The following TAF5L variants were observed in gnomAD, a reference collection of about 807,000 sequenced individuals.
TAF5L encodes the protein TAF5-like RNA polymerase II p300/CBP-associated factor-associated factor 65 kDa subunit 5L.
Under a neutral mutation model 51.3 loss-of-function variants are expected in TAF5L, and 7 were observed. The ratio of observed to expected loss-of-function variants is 0.14; its 90% CI spans 0.08 to 0.26. The LOEUF (loss-of-function observed/expected upper bound fraction) is 0.26, where lower values mean the gene tolerates loss of function less well. TAF5L is among the 10% of genes least tolerant of loss of function. The pLI is 1.00. For synonymous variants in TAF5L, 291 were observed against 308.1 expected (o/e 0.94, Z 0.58); for missense variants, 575 against 758.9 (o/e 0.76, Z 2.85).
At position 229,616,497 on chromosome 1, in the gene TAF5L, T is replaced by A. The variant is rs577423673; in HGVS notation, c.-3-2012A>T. Among the ~76,000 whole-genome samples, 20 of 152,232 alleles carry A rather than the reference T, an allele frequency of 1.3e-4. 1 individual carries two copies. In the South Asian group the frequency reaches 3.5e-3, roughly 27 times the overall value. The stretch of plus-strand genomic sequence containing the variant: ...TTGGGATTACAGGCATGAGCTACCA[T>A]GCCTGGTCTTATTTTTCTTTAAACA... On this transcript the variant is annotated intron_variant, in intron 1 of 4. Transcript: ENST00000258281.
chr1:229,616,502 G>A (rs540040359), intron 1 of TAF5L, among the ~76,000 whole-genome samples: 2 of 151,882 alleles, frequency 1.3e-5, no homozygotes, highest in East Asian at 3.9e-4. Flanking sequence ...TACCATGCCT[G>A]GTCTTATTTT....
chr1:229,618,674 T>A (rs1449839664), intron 1 of TAF5L, among the ~76,000 whole-genome samples: 1 of 152,188 alleles, frequency 6.6e-6, no homozygotes, highest in African/African-American at 2.4e-5. Context: ...AACCCAGGCA[T>A]CCTCTTAAGA....
intron 1 of TAF5L, among the ~76,000 whole-genome samples, chr1:229,621,510 C>T (rs936030184): frequency 6.6e-6 from 1 of 152,154 alleles, no homozygotes; most frequent in African/African-American, 2.4e-5. Flanking sequence ...ATATACAACA[C>T]TCTTCAAATC....
intron 4 of TAF5L, among the ~76,000 whole-genome samples, chr1:229,596,783 GAAGA>G (rs1664142581): frequency 6.6e-6 from 1 of 152,206 alleles, no homozygotes; most frequent in Non-Finnish European, 1.5e-5. Context: ...TTAAACACCA[GAAGA>G]AAGGAGTATG....
chr1:229,602,950 T>G lies in TAF5L; in HGVS notation c.248-31A>C. 1.9e-6 allele frequency: 3 copies of G among 1,549,970 alleles called. No homozygotes were observed. The highest frequency in any genetic ancestry group is 2.6e-6 in the Non-Finnish European group (3 of 1,158,360). ...ATGAAAGAAAAAGAAGGCTTTATAATCAGCATAATCTTACAGAATAACGTG... is the reference window on the plus strand; with the variant it reads ...ATGAAAGAAAAAGAAGGCTTTATAAGCAGCATAATCTTACAGAATAACGTG... On this transcript the variant is annotated intron_variant, in intron 3 of 4. Coordinates refer to ENST00000258281, the Ensembl canonical transcript of TAF5L. The surrounding 1 kb of genome is among the most constrained non-coding windows in gnomAD (Gnocchi z 4.6).
At chr1:229,595,392 G>T (rs1664083294) in intron 4 of TAF5L, among the ~76,000 whole-genome samples, 1 of 152,190 alleles carries the variant, frequency 6.6e-6, no homozygotes, top group South Asian at 2.1e-4. Flanking sequence ...AATGACTGTG[G>T]ACCTTACCCT....
intron 3 of TAF5L, among the ~76,000 whole-genome samples, chr1:229,603,175 GGTTAAGTGACTTGCCAGA>G (rs1664451915): frequency 1.3e-5 from 2 of 152,268 alleles, no homozygotes; most frequent in South Asian, 4.2e-4. Context: ...TGCCCAGAGT[GGTTAAGTGACTTGCCAGA>G]GTTCACAACA....
At chr1:229,620,317 C>T (rs1263614090) in intron 1 of TAF5L, among the ~76,000 whole-genome samples, 1 of 152,184 alleles carries the variant, frequency 6.6e-6, no homozygotes, top group Non-Finnish European at 1.5e-5. Context: ...GCTCAGCCTC[C>T]CAGGTAGCTA....
chr1:229,619,704 C>T (rs542624120), intron 1 of TAF5L, among the ~76,000 whole-genome samples: 2 of 152,246 alleles, frequency 1.3e-5, no homozygotes, highest in East Asian at 3.9e-4. Flanking sequence ...ACTTGGGATT[C>T]CTTAACTTTT....
intron 3 of TAF5L, chr1:229,606,820 G>A: frequency 1.0e-6 from 1 of 985,442 alleles, no homozygotes; most frequent in Non-Finnish European, 1.2e-6. Flanking sequence ...TACACCTCCT[G>A]AAGAATAGGA....
chr1:229,597,932 G>A (rs1025829432), intron 4 of TAF5L, among the ~76,000 whole-genome samples: 2 of 152,068 alleles, frequency 1.3e-5, no homozygotes, highest in East Asian at 1.9e-4. Flanking sequence ...TCACACTCAC[G>A]TTTCCCCCAG....
intron 1 of TAF5L, among the ~76,000 whole-genome samples, chr1:229,614,904 A>G (rs1664922300): frequency 6.6e-6 from 1 of 152,182 alleles, no homozygotes; most frequent in South Asian, 2.1e-4. Context: ...GAACTAGCCA[A>G]AAAAGCAGGC....
chr1:229,622,827 T>C (rs977808316), intron 1 of TAF5L, among the ~76,000 whole-genome samples: 2 of 152,190 alleles, frequency 1.3e-5, no homozygotes, highest in Non-Finnish European at 2.9e-5. Context: ...GCTGCCCAGG[T>C]TGATCTCAAA....
Position 229,594,856 on chromosome 1 carries a change from T to C in TAF5L, c.1211A>G (p.His404Arg). Residue 404 changes from histidine (H) to arginine (R), a missense_variant, in exon 5 of 5, where the codon CAC becomes CGC. Coordinates refer to ENST00000258281, the Ensembl canonical transcript of TAF5L. The surrounding 1 kb of genome is among the most constrained non-coding windows in gnomAD (Gnocchi z 7.9). The stretch of plus-strand genomic sequence containing the variant: ...TGACCACAGCCTGGCGGTGCGGTCG[T>C]GGGACCCGCTGGCGAAGTACAGGCT... 6.2e-7 allele frequency: 1 copy of C among 1,614,214 alleles called. No homozygotes were observed. The highest frequency in any genetic ancestry group is 8.5e-7 in the Non-Finnish European group (1 of 1,180,018).
Position 229,602,776 on chromosome 1 carries a change from C to T in TAF5L, c.391G>A (p.Ala131Thr). 6.2e-7 allele frequency: 1 copy of T among 1,614,154 alleles called. No individual in the cohort carries two copies. The highest frequency in any genetic ancestry group is 8.5e-7 in the Non-Finnish European group (1 of 1,180,036). ...TGCTCAATGACATCCTTCTGGCTAG[C>T]ATTCTGCAGAAACATTCCATGGAAG... The change falls in exon 4 of 5, where the codon GCT becomes ACT. Residue 131 changes from alanine (A) to threonine (T), a missense_variant. Coordinates refer to ENST00000258281, the Ensembl canonical transcript of TAF5L. The surrounding 1 kb of genome is among the most constrained non-coding windows in gnomAD (Gnocchi z 4.6).
At chr1:229,600,510 C>A in intron 4 of TAF5L, 1 of 985,428 alleles carries the variant, frequency 1.0e-6, no homozygotes, top group South Asian at 4.7e-5. Context: ...TCTCCCTTAT[C>A]CCCTACAGTA....
At chr1:229,600,773 CCAG>C (rs1664344725) in intron 4 of TAF5L, 14 of 985,386 alleles carry the variant, frequency 1.4e-5, no homozygotes, top group Non-Finnish European at 1.7e-5. Context: ...GAGCTAGTTA[CCAG>C]TAGTGGCCAG....
At chr1:229,607,370 C>A (rs1664634813) in intron 3 of TAF5L, 4 of 985,468 alleles carry the variant, frequency 4.1e-6, no homozygotes, top group Non-Finnish European at 4.8e-6. Context: ...AATAATTTTA[C>A]AAACTGCTTT....
At chr1:229,613,585 G>A (rs1303379241) in intron 2 of TAF5L, among the ~76,000 whole-genome samples, 2 of 152,156 alleles carry the variant, frequency 1.3e-5, no homozygotes, top group Non-Finnish European at 2.9e-5. Flanking sequence ...GAGGTGATAT[G>A]TAGGCTGTAT....
Sources: gnomAD v4.1 joint callset for allele counts (sites outside exome capture counted in the v4.1 genomes callset) on GRCh38, gnomAD v4.1.1 for gene constraint, Gnocchi (gnomAD v3.1) non-coding constraint, MANE v1.5 for transcripts, NCBI Gene and HGNC (gene_info 2026-07-23, HGNC 2026-07-21) for gene names.